HDAC9: variants seen among roughly 807,000 people sequenced by gnomAD.
HDAC9 encodes MEF-2 interacting transcription repressor (MITR) protein.
Under a neutral mutation model 139.4 loss-of-function variants are expected in HDAC9, and 41 were observed. The observed-to-expected ratio is 0.29, with a 90% CI of 0.23 to 0.38. The LOEUF (loss-of-function observed/expected upper bound fraction) is 0.38. HDAC9 is among the 10% of genes least tolerant of loss of function. The probability of loss-of-function intolerance (pLI) is 1.00; values close to 1 mark genes in which losing one functional copy is unlikely to be tolerated. For missense variants in HDAC9, 1,147 were observed against 1,297.0 expected, an observed-to-expected ratio of 0.88 and a Z score of 1.78; for synonymous variants, 517 against 476.2, an observed-to-expected ratio of 1.09 and a Z score of -1.12.
At chr7:18,971,484 G>A (rs1413916248) in intron 24 of HDAC9, among the ~76,000 whole-genome samples, 2 of 152,126 alleles carry the variant, frequency 1.3e-5, no homozygotes, top group Non-Finnish European at 2.9e-5. Flanking sequence ...TTATTCCTAT[G>A]CCAATAGATA....
At chr7:18,708,267 T>C (rs1488034113) in intron 12 of HDAC9, among the ~76,000 whole-genome samples, 1 of 151,538 alleles carries the variant, frequency 6.6e-6, no homozygotes, top group Non-Finnish European at 1.5e-5. Flanking sequence ...ATGATGGAGA[T>C]TTGGAAGGGT....
At chr7:18,359,423 C>T (rs1783596894) in intron 1 of HDAC9, among the ~76,000 whole-genome samples, 1 of 152,138 alleles carries the variant, frequency 6.6e-6, no homozygotes, top group Non-Finnish European at 1.5e-5. Flanking sequence ...GCTGTTGTCC[C>T]AAACTATCTT....
intron 2 of HDAC9, among the ~76,000 whole-genome samples, chr7:18,272,817 G>A (rs2128214652): frequency 6.6e-6 from 1 of 151,964 alleles, no homozygotes; most frequent in South Asian, 2.1e-4. Flanking sequence ...CTAATTCTCA[G>A]ATTTATCTGG....
intron 21 of HDAC9, among the ~76,000 whole-genome samples, chr7:18,864,203 A>G (rs1798317712): frequency 6.6e-6 from 1 of 152,196 alleles, no homozygotes; most frequent in African/African-American, 2.4e-5. Context: ...TCGGCCTTGC[A>G]AATGAAGGGA....
intron 2 of HDAC9, among the ~76,000 whole-genome samples, chr7:18,521,624 T>G (rs1805064323): frequency 6.6e-6 from 1 of 152,204 alleles, no homozygotes; most frequent in African/African-American, 2.4e-5. Flanking sequence ...TATTTATTCG[T>G]ATGCTGTTGT....
chr7:18,883,266 T>C (rs17350229), intron 22 of HDAC9, among the ~76,000 whole-genome samples: 4,831 of 152,116 alleles, frequency 0.032, 116 homozygotes, highest in Non-Finnish European at 0.044. Context: ...GAAACACACT[T>C]GAGAGTCAGA....
intron 17 of HDAC9, among the ~76,000 whole-genome samples, chr7:18,802,425 G>A (rs1392214741): frequency 6.6e-6 from 1 of 151,904 alleles, no homozygotes; most frequent in African/African-American, 2.4e-5. Context: ...TTATTGACAA[G>A]TGTTCTTGCT....
At chr7:18,839,598 G>T (rs550857956) in intron 21 of HDAC9, among the ~76,000 whole-genome samples, 3 of 152,200 alleles carry the variant, frequency 2.0e-5, no homozygotes, top group Non-Finnish European at 2.9e-5. Context: ...GCATTGTCAA[G>T]CTCAGGTATT....
chr7:18,892,675 G>A (rs71524258), intron 22 of HDAC9: 7,704 of 152,146 alleles, frequency 0.051, 271 homozygotes, highest in Non-Finnish European at 0.074. Flanking sequence ...TTGGTTCCTC[G>A]TGTATCTATT....
At chr7:18,935,696 C>T (rs973939842) in intron 22 of HDAC9, 113 bp from the exon 23 acceptor site, 23 of 903,360 alleles carry the variant, frequency 2.5e-5, no homozygotes, top group Non-Finnish European at 3.9e-5. Flanking sequence ...GATGAGTTAG[C>T]ACACAGAAAA....
At chr7:18,713,382 A>G (rs886859492) in intron 12 of HDAC9, among the ~76,000 whole-genome samples, 2 of 152,206 alleles carry the variant, frequency 1.3e-5, no homozygotes, top group African/African-American at 4.8e-5. Flanking sequence ...TCAAAAACCA[A>G]TTGTTAGAAG....
At chr7:18,254,675 A>T (rs541619950) in intron 2 of HDAC9, among the ~76,000 whole-genome samples, 2 of 152,208 alleles carry the variant, frequency 1.3e-5, no homozygotes, top group Non-Finnish European at 2.9e-5. Flanking sequence ...GAGGTAGAAC[A>T]TATGTTCTTT....
At chr7:18,685,174 G>A (rs6967723) in intron 12 of HDAC9, among the ~76,000 whole-genome samples, 53,065 of 151,900 alleles carry the variant, frequency 0.35, 14,158 homozygotes, top group African/African-American at 0.73. Flanking sequence ...TCAAACAGCA[G>A]TTCTCTAGCT....
At chr7:18,294,628 C>T (rs990261396) in intron 1 of HDAC9, among the ~76,000 whole-genome samples, 2 of 152,038 alleles carry the variant, frequency 1.3e-5, no homozygotes, top group African/African-American at 4.8e-5. Flanking sequence ...GAATCCAGAT[C>T]GTGCTGGGCC....
intron 1 of HDAC9, among the ~76,000 whole-genome samples, chr7:18,456,423 A>T (rs1454439912): frequency 2.6e-5 from 4 of 152,050 alleles, no homozygotes; most frequent in Admixed American, 1.3e-4. Flanking sequence ...TTTAGTTGAG[A>T]TGGGGTTTCA....
intron 12 of HDAC9, among the ~76,000 whole-genome samples, chr7:18,693,580 G>A (rs900890883): frequency 6.6e-6 from 1 of 152,134 alleles, no homozygotes; most frequent in Non-Finnish European, 1.5e-5. Context: ...CACAAATTGA[G>A]CAATTGTCCA....
intron 1 of HDAC9, among the ~76,000 whole-genome samples, chr7:18,305,297 C>A (rs1021822297): frequency 6.6e-6 from 1 of 152,162 alleles, no homozygotes. Flanking sequence ...ATGTAGATAT[C>A]CTAGGCCGGT....
intron 2 of HDAC9, among the ~76,000 whole-genome samples, chr7:18,583,192 T>A (rs924605797): frequency 6.6e-6 from 1 of 152,124 alleles, no homozygotes; most frequent in Non-Finnish European, 1.5e-5. Flanking sequence ...AAATTTCCAT[T>A]TCATATAATA....
chr7:18,557,387 T>C (rs986473068), intron 2 of HDAC9, among the ~76,000 whole-genome samples: 8 of 151,244 alleles, frequency 5.3e-5, no homozygotes, highest in Non-Finnish European at 1.0e-4. Flanking sequence ...TGGTATACTT[T>C]AAAGTCACCT....
Sources: gnomAD v4.1 joint callset for allele counts (sites outside exome capture counted in the v4.1 genomes callset) on GRCh38, gnomAD v4.1.1 for gene constraint, MANE v1.5 for transcripts, NCBI Gene and HGNC (gene_info 2026-07-23, HGNC 2026-07-21) for gene names.